Variants in AGBL1 observed in about 807,000 individuals in gnomAD.
AGBL1 encodes the protein AGBL carboxypeptidase 1.
Under a neutral mutation model 118.9 loss-of-function variants are expected in AGBL1, and 130 were observed. The observed-to-expected ratio is 1.09, with a 90% CI of 0.95 to 1.26. The LOEUF (loss-of-function observed/expected upper bound fraction) is 1.26, where lower values mean the gene tolerates loss of function less well. Among genes scored for constraint, AGBL1 ranks in the 50% most tolerant of loss-of-function variants. The pLI is 0.00. For synonymous variants in AGBL1, 555 were observed against 478.9 expected (o/e 1.16, Z -2.08); for missense variants, 1,584 against 1,298.1 (o/e 1.22, Z -3.38).
chr15:86,964,172 C>G lies in AGBL1; in HGVS notation c.3222-23815C>G, dbSNP rs17794356. Among the ~76,000 whole-genome samples, 911 of 151,974 alleles carry G rather than the reference C, an allele frequency of 6.0e-3. 7 individuals are homozygous for G. Among genetic ancestry groups the G allele is most frequent in the South Asian group, 0.011 (52 of 4,814 alleles). On this transcript the variant is annotated intron_variant, in intron 23 of 24. Transcript: ENST00000441037. ...GCTAGTCAGTGCTGGAATTAGGGAC[C>G]AAACCTGGTTCTGCCTGACTGTAAA...
At chr15:86,444,226 T>C (rs2082096296) in intron 18 of AGBL1, among the ~76,000 whole-genome samples, 1 of 152,214 alleles carries the variant, frequency 6.6e-6, no homozygotes, top group South Asian at 2.1e-4. Flanking sequence ...TTCTTTTTGA[T>C]ATATCTGTTG....
At chr15:86,620,257 A>G (rs1265596170) in intron 21 of AGBL1, among the ~76,000 whole-genome samples, 3 of 152,102 alleles carry the variant, frequency 2.0e-5, no homozygotes, top group African/African-American at 7.2e-5. Context: ...ATTTTCTAGC[A>G]CTCTGTCCAC....
intron 17 of AGBL1, among the ~76,000 whole-genome samples, chr15:86,356,337 T>TGG (rs1462485189): frequency 1.5e-5 from 2 of 136,564 alleles, no homozygotes; most frequent in East Asian, 4.1e-4. Context: ...AAGATAGACG[T>TGG]GTGTGTGTGT....
At chr15:86,663,823 C>T (rs1470411234) in intron 21 of AGBL1, among the ~76,000 whole-genome samples, 6 of 152,120 alleles carry the variant, frequency 3.9e-5, no homozygotes, top group African/African-American at 1.4e-4. Flanking sequence ...TACTTAATTA[C>T]ATAACTTTTT....
intron 22 of AGBL1, among the ~76,000 whole-genome samples, chr15:86,853,097 T>C (rs922083879): frequency 6.6e-6 from 1 of 152,138 alleles, no homozygotes; most frequent in African/African-American, 2.4e-5. Flanking sequence ...TAAATCACAA[T>C]ATCTGGGGTG....
In AGBL1 at chr15:86,159,029, A is replaced by G; in HGVS notation, c.488+3A>G. ...CGAAAGCGCACCCAAGCAATCAGGT[A>G]CAGAGTGCCATGTAATACTTCTGCC... On this transcript the variant is annotated splice_donor_region_variant and intron_variant, in intron 5 of 22. Transcript: ENST00000614907. 1.9e-6 allele frequency: 3 copies of G among 1,612,516 alleles called. No individual in the cohort carries two copies. The highest frequency in any genetic ancestry group is 2.5e-6 in the Non-Finnish European group (3 of 1,178,702).
intron 17 of AGBL1, among the ~76,000 whole-genome samples, chr15:86,366,362 T>A (rs1006525499): frequency 1.1e-4 from 16 of 152,130 alleles, no homozygotes; most frequent in African/African-American, 3.6e-4. Context: ...ATTTCAGAGA[T>A]CTCTACATAT....
intron 3 of AGBL1, among the ~76,000 whole-genome samples, chr15:86,148,908 A>G (rs924950620): frequency 6.6e-6 from 1 of 152,246 alleles, no homozygotes; most frequent in Non-Finnish European, 1.5e-5. Flanking sequence ...AGGGAAGCCC[A>G]TCAGACTAAC....
At chr15:86,244,086 A>T (rs151286103) in intron 6 of AGBL1, among the ~76,000 whole-genome samples, 15 of 149,662 alleles carry the variant, frequency 1.0e-4, no homozygotes, top group Middle Eastern at 3.5e-3. Context: ...TAAATAAATA[A>T]ATATATATAT....
At chr15:86,775,914 A>G (rs1419207999) in intron 22 of AGBL1, among the ~76,000 whole-genome samples, 1 of 152,154 alleles carries the variant, frequency 6.6e-6, no homozygotes, top group Non-Finnish European at 1.5e-5. Context: ...CATCCTTAAC[A>G]TCTTAGAGAA....
rs1008721496 is a variant in AGBL1 at position 86,649,998 on chromosome 15, C to G, written c.2995-24275C>G. Among the ~76,000 whole-genome samples, 9 of 151,938 alleles carry G rather than the reference C, an allele frequency of 5.9e-5. No homozygotes were observed. In the East Asian group the frequency reaches 1.5e-3, roughly 26 times the overall value. On this transcript the variant is annotated intron_variant, in intron 21 of 22. Coordinates refer to ENST00000614907, the MANE Select transcript of AGBL1 (RefSeq NM_001386094.1). The stretch of plus-strand genomic sequence containing the variant: ...GTCTGACAAGCATTAAGTCATAGGA[C>G]CAAAAAAAATTGGGATAAGCTTTAA...
intron 24 of AGBL1, among the ~76,000 whole-genome samples, chr15:87,016,120 A>G (rs2081605893): frequency 6.6e-6 from 1 of 152,340 alleles, no homozygotes; most frequent in Non-Finnish European, 1.5e-5. Flanking sequence ...AATGCTTTCC[A>G]TATCACGTCA....
At chr15:86,965,389 T>G (rs186533556) in intron 23 of AGBL1, among the ~76,000 whole-genome samples, 59 of 152,270 alleles carry the variant, frequency 3.9e-4, no homozygotes, top group African/African-American at 1.4e-3. Flanking sequence ...CCAGTGATGA[T>G]GAACTTTTTT....
At chr15:86,586,241 G>A (rs1260929235) in intron 21 of AGBL1, among the ~76,000 whole-genome samples, 1 of 152,140 alleles carries the variant, frequency 6.6e-6, no homozygotes, top group African/African-American at 2.4e-5. Context: ...TCTAGACAAG[G>A]TACTAGGGAC....
chr15:86,204,021 A>G (rs960282693), intron 5 of AGBL1, among the ~76,000 whole-genome samples: 1 of 152,234 alleles, frequency 6.6e-6, no homozygotes, highest in Non-Finnish European at 1.5e-5. Context: ...ACACTCCTAG[A>G]TAAAGAGTGA....
Position 86,142,041 on chromosome 15 carries a change from A to G in AGBL1, c.89A>G (p.Lys30Arg), listed in dbSNP as rs578025462. The G allele has an allele frequency of 7.7e-6, 12 of 1,550,008 alleles. No homozygotes were observed. In the South Asian group the frequency reaches 1.3e-4, roughly 17 times the overall value. The change falls in exon 2 of 23, where the codon AAG becomes AGG. Residue 30 changes from lysine (K) to arginine (R), a missense_variant. Physicochemically the swap from Lys to Arg is conservative, Grantham distance 26. Coordinates refer to ENST00000614907, the MANE Select transcript of AGBL1 (RefSeq NM_001386094.1). ...AAGGAGTCCATCCTGACCATCCTCA[A>G]GGTCCTCGGAGATCTGCTTTCTGTT... Reference protein sequence around the residue: ...SDKESILTILKVLGDLLSVGT... With the variant: ...SDKESILTILRVLGDLLSVGT...
intron 21 of AGBL1, among the ~76,000 whole-genome samples, chr15:86,599,349 G>T (rs1259911731): frequency 1.3e-5 from 2 of 151,282 alleles, no homozygotes; most frequent in African/African-American, 4.9e-5. Context: ...TTTTTTAGCT[G>T]CCATAAAGCC....
At chr15:86,134,040 A>T (rs186996860) in intron 1 of AGBL1, among the ~76,000 whole-genome samples, 7 of 152,112 alleles carry the variant, frequency 4.6e-5, no homozygotes, top group Non-Finnish European at 8.8e-5. Flanking sequence ...ACTCATTTCA[A>T]CCTCTCCAGG....
intron 22 of AGBL1, among the ~76,000 whole-genome samples, chr15:86,843,810 T>C (rs2079281069): frequency 2.0e-5 from 3 of 152,194 alleles, no homozygotes; most frequent in South Asian, 2.1e-4. Context: ...ATGTATGTAA[T>C]GAAATCATCA....
Sources: allele counts gnomAD v4.1 joint callset (sites outside exome capture counted in the v4.1 genomes callset), GRCh38; gene constraint gnomAD v4.1.1; transcripts MANE v1.5; gene names NCBI Gene and HGNC (gene_info 2026-07-23, HGNC 2026-07-21).